The following RCC1L variants were observed in gnomAD, a reference collection of about 807,000 sequenced individuals.
The protein encoded by RCC1L is RCC1 like, also known as RCC1-like G exchanging factor-like protein.
In RCC1L, 46 loss-of-function variants were observed where a neutral mutation model predicts 58.6. The observed-to-expected ratio is 0.79, with a 90% confidence interval of 0.62 to 1.00. The LOEUF is 1.00. Ranked by LOEUF, RCC1L falls within the 50% of genes least tolerant of loss-of-function variation. The pLI, the probability that RCC1L is intolerant of heterozygous loss-of-function variation, is 0.00. For synonymous variants in RCC1L, 281 were observed against 262.9 expected (o/e 1.07, Z -0.67); for missense variants, 636 against 623.6 (o/e 1.02, Z -0.21).
At chr7:75,055,706 C>G in intron 9 of RCC1L, 195 bp downstream of exon 9, 2 of 665,658 alleles carry the variant, frequency 3.0e-6, no homozygotes, top group Non-Finnish European at 2.6e-6. Context: ...AATTAAAACT[C>G]CAGGGGGGGA....
At chr7:75,069,232 G>A (rs1425990559) in intron 2 of RCC1L, among the ~76,000 whole-genome samples, 1 of 151,462 alleles carries the variant, frequency 6.6e-6, no homozygotes, top group Non-Finnish European at 1.5e-5. Flanking sequence ...TTGCTCTGTT[G>A]CCCAGGCTGG....
At chr7:75,034,716 T>C (rs1490633042) in intron 10 of RCC1L, among the ~76,000 whole-genome samples, 1 of 152,110 alleles carries the variant, frequency 6.6e-6, no homozygotes, top group African/African-American at 2.4e-5. Flanking sequence ...TTCTTTAAAT[T>C]TATTTGCTCA....
intron 8 of RCC1L, chr7:75,056,599 T>G: frequency 6.5e-7 from 1 of 1,534,698 alleles, no homozygotes; most frequent in Non-Finnish European, 8.7e-7. Flanking sequence ...CCATCTGCCT[T>G]TGATTTTTTG....
chr7:75,073,740 T>C lies in RCC1L; in HGVS notation c.-3A>G. On this transcript the variant is annotated 5_prime_UTR_variant, in exon 1 of 11. Coordinates refer to ENST00000610322, the MANE Select transcript of RCC1L (RefSeq NM_030798.5). ...GCCACCAACGCCACCAGCGCCATCC[T>C]CCGTTCCGCGCCTCAGCAGCCTCTG... 6.6e-7 allele frequency: 1 copy of C among 1,504,518 alleles called. No homozygotes were observed. Among genetic ancestry groups the C allele is most frequent in the East Asian group, 2.6e-5 (1 of 38,768 alleles). The allele number at this position is 1,504,518 out of a possible 1,614,324, so 93.2% of individuals were successfully genotyped here. A position where few individuals can be genotyped will look rare whatever the true frequency, so the allele number is the denominator to read the frequency against.
At chr7:75,040,559 C>T (rs1805531321), downstream of RCC1L, among the ~76,000 whole-genome samples, 1 of 152,012 alleles carries the variant, frequency 6.6e-6, no homozygotes, top group Non-Finnish European at 1.5e-5. Context: ...ACCCTCCATC[C>T]CCCATCCTCA....
At chr7:75,032,352 A>G (rs1805326107) in intron 10 of RCC1L, among the ~76,000 whole-genome samples, 1 of 152,214 alleles carries the variant, frequency 6.6e-6, no homozygotes, top group Non-Finnish European at 1.5e-5. Context: ...AGCTCCAGGT[A>G]AGTTCCAGAA....
In RCC1L at chr7:75,064,724, C is replaced by T. The variant is rs868956517; in HGVS notation, c.584-76G>A. On this transcript the variant is annotated intron_variant, in intron 3 of 10. Coordinates refer to ENST00000610322, the MANE Select transcript of RCC1L (RefSeq NM_030798.5). ...AGAATGTGAGGACTGGAAGGGGTCT[C>T]GCTGGTGGTCCCGTCCTGGTTACTC... 5.2e-6 allele frequency: 8 copies of T among 1,527,900 alleles called. No individual in the cohort carries two copies. In the Middle Eastern group the frequency reaches 5.1e-4, roughly 97 times the overall value. The allele number at this position is 1,527,900 out of a possible 1,614,324, so 94.6% of individuals were successfully genotyped here. A position where few individuals can be genotyped will look rare whatever the true frequency, so the allele number is the denominator to read the frequency against.
intron 8 of RCC1L, 89 bp from the exon 9 acceptor site, chr7:75,056,163 G>T: frequency 1.3e-6 from 2 of 1,483,094 alleles, no homozygotes; most frequent in South Asian, 1.1e-5. Context: ...CAAGGTTTAT[G>T]ACATCCACAC....
At chr7:75,043,237 A>G (rs1805619596) in intron 10 of RCC1L, 128 bp from the exon 11 acceptor site, 1 of 1,103,450 alleles carries the variant, frequency 9.1e-7, no homozygotes, top group Non-Finnish European at 1.4e-6. Context: ...TCTCAGCAGG[A>G]GACAGCTTGT....
chr7:75,037,434 C>A (rs954922231), downstream of RCC1L, among the ~76,000 whole-genome samples: 2 of 152,052 alleles, frequency 1.3e-5, no homozygotes, highest in Non-Finnish European at 2.9e-5. Flanking sequence ...GGTGATCCGT[C>A]CGCCTCGGCC....
chr7:75,051,900 GTGGC>G (rs1235616669), intron 10 of RCC1L, among the ~76,000 whole-genome samples: 197 of 152,102 alleles, frequency 1.3e-3, no homozygotes, highest in Non-Finnish European at 2.5e-3. Context: ...ATCAGGACCA[GTGGC>G]TGCCTCTGGA....
rs1029529285 is a variant in RCC1L, at chr7:75,045,439, C to T, written c.1318-2330G>A. ...AAGTGATTCTCCTGCTTCAGCCTCCCGAAGTGCTGGGATTCCAGGTGTGAT... is the reference window on the plus strand; with the variant it reads ...AAGTGATTCTCCTGCTTCAGCCTCCTGAAGTGCTGGGATTCCAGGTGTGAT... On this transcript the variant is annotated intron_variant, in intron 10 of 10. Transcript: ENST00000610322. Among the ~76,000 whole-genome samples, 19 of 152,272 alleles carry T rather than the reference C, an allele frequency of 1.2e-4. No homozygotes were observed. The East Asian group carries it at 2.5e-3, about 20-fold the overall frequency.
At position 75,073,481 on chromosome 7, in the gene RCC1L, G is replaced by A; in HGVS notation, c.257C>T (p.Pro86Leu). Residue 86 changes from proline to leucine, a missense_variant, in exon 1 of 11, where the codon CCC (proline) becomes CTC (leucine). Transcript: ENST00000610322. ...SFVVPSSGPGPRAGARPRRRI... is the reference protein window; with the variant it reads ...SFVVPSSGPGLRAGARPRRRI... ...GCGGCGCGGTCGGGCGCCGGCGCGG[G>A]GCCCGGGCCCGGAGCTGGGCACCAC... 10 of 1,383,316 alleles carry A rather than the reference G, an allele frequency of 7.2e-6. No homozygotes were observed. The highest frequency in any genetic ancestry group is 3.3e-5 in the South Asian group (2 of 61,138). The allele number at this position is 1,383,316 out of a possible 1,614,324, so 85.7% of individuals were successfully genotyped here. A position where few individuals can be genotyped will look rare whatever the true frequency, so the allele number is the denominator to read the frequency against.
intron 10 of RCC1L, among the ~76,000 whole-genome samples, chr7:75,049,688 G>A (rs1309959323): frequency 6.6e-6 from 1 of 151,222 alleles, no homozygotes; most frequent in African/African-American, 2.4e-5. Context: ...AAAAAATCCT[G>A]GGCAACACGG....
chr7:75,063,620 C>T (rs1245865601), intron 4 of RCC1L, among the ~76,000 whole-genome samples: 1 of 152,054 alleles, frequency 6.6e-6, no homozygotes, highest in African/African-American at 2.4e-5. Flanking sequence ...TTTTTAAACA[C>T]TAAAATGAAA....
intron 2 of RCC1L, 42 bp downstream of exon 2, chr7:75,070,598 A>C: frequency 6.2e-7 from 1 of 1,608,004 alleles, no homozygotes; most frequent in Non-Finnish European, 8.5e-7. Flanking sequence ...GAGCTTTCTC[A>C]GACCAATCCC....
Position 75,042,446 on chromosome 7 carries a change from G to A in RCC1L, c.*586C>T. 1 of 986,906 alleles carries A rather than the reference G, an allele frequency of 1.0e-6. No individual in the cohort carries two copies. The highest frequency in any genetic ancestry group is 1.2e-6 in the Non-Finnish European group (1 of 830,884). 61.1% of individuals were successfully genotyped at this position (986,906 alleles called of 1,614,324 possible). ...AGCGTGGTGGGAGGCTGGGGCTGGT[G>A]CCTGCGGACAGCTCCAGATGGAATC... On this transcript the variant is annotated 3_prime_UTR_variant, in exon 11 of 11. Coordinates refer to ENST00000610322, the MANE Select transcript of RCC1L (RefSeq NM_030798.5).
At chr7:75,072,161 C>CATATAT (rs1165938365) in intron 1 of RCC1L, among the ~76,000 whole-genome samples, 599 of 46,330 alleles carry the variant, frequency 0.013, 30 homozygotes, top group African/African-American at 0.015. Flanking sequence ...TATACATATA[C>CATATAT]ATATATATAT....
intron 10 of RCC1L, among the ~76,000 whole-genome samples, chr7:75,050,752 C>A: frequency 6.6e-6 from 1 of 152,150 alleles, no homozygotes; most frequent in East Asian, 1.9e-4. Flanking sequence ...AGCCGGCAAG[C>A]CCCACCACCT....
Sources: allele counts gnomAD v4.1 joint callset (sites outside exome capture counted in the v4.1 genomes callset), GRCh38; gene constraint gnomAD v4.1.1; transcripts MANE v1.5; gene names NCBI Gene and HGNC (gene_info 2026-07-23, HGNC 2026-07-21).